The following MICU1 variants were observed in gnomAD, a reference collection of about 807,000 sequenced individuals.
The protein encoded by MICU1 is calcium uptake protein 1, mitochondrial.
In MICU1, 45 loss-of-function variants were observed where a neutral mutation model predicts 56.8. The observed-to-expected ratio is 0.79, with a 90% CI of 0.62 to 1.02. MICU1 has a LOEUF of 1.02. MICU1 is among the 50% of genes least tolerant of loss of function. The pLI, the probability that MICU1 is intolerant of heterozygous loss-of-function variation, is 0.00. For missense variants in MICU1, 504 were observed against 587.1 expected, an observed-to-expected ratio of 0.86 and a Z score of 1.46; for synonymous variants, 186 against 195.1, an observed-to-expected ratio of 0.95 and a Z score of 0.39.
intron 8 of MICU1, among the ~76,000 whole-genome samples, chr10:72,447,363 T>C (rs902473287): frequency 6.6e-6 from 1 of 152,166 alleles, no homozygotes; most frequent in African/African-American, 2.4e-5. Context: ...GATCATAATA[T>C]AGGCTAGAGG....
chr10:72,578,068 T>G (rs889049412), intron 1 of MICU1, among the ~76,000 whole-genome samples: 2 of 152,168 alleles, frequency 1.3e-5, no homozygotes, highest in African/African-American at 2.4e-5. Flanking sequence ...TACAGAGAAA[T>G]CTTTTGTGAA....
chr10:72,476,857 T>G (rs1866140744), intron 7 of MICU1, among the ~76,000 whole-genome samples: 1 of 152,236 alleles, frequency 6.6e-6, no homozygotes, highest in Non-Finnish European at 1.5e-5. Context: ...GCCTAGCACA[T>G]AGCAGCTTTT....
chr10:72,615,421 C>G (rs1841952420), intron 1 of MICU1, among the ~76,000 whole-genome samples: 1 of 152,128 alleles, frequency 6.6e-6, no homozygotes, highest in Admixed American at 6.6e-5. Flanking sequence ...CCACAGCACA[C>G]TGTGCTGTGG....
chr10:72,474,476 T>G (rs1866051051), intron 8 of MICU1, among the ~76,000 whole-genome samples: 1 of 152,082 alleles, frequency 6.6e-6, no homozygotes, highest in Non-Finnish European at 1.5e-5. Flanking sequence ...AAAGTAAACT[T>G]GTAAATCCCC....
At chr10:72,425,750 G>C (rs1248400901) in intron 8 of MICU1, among the ~76,000 whole-genome samples, 1 of 152,146 alleles carries the variant, frequency 6.6e-6, no homozygotes, top group Non-Finnish European at 1.5e-5. Context: ...AACATGGCTG[G>C]AGGGAGCCAT....
chr10:72,510,204 T>C (rs937814167), intron 5 of MICU1, among the ~76,000 whole-genome samples: 1 of 152,190 alleles, frequency 6.6e-6, no homozygotes, highest in African/African-American at 2.4e-5. Context: ...ATCCGGGCCA[T>C]GCTGATGCTG....
intron 10 of MICU1, among the ~76,000 whole-genome samples, chr10:72,399,808 CA>C (rs1209534558): frequency 6.6e-6 from 1 of 151,018 alleles, no homozygotes; most frequent in Non-Finnish European, 1.5e-5. Context: ...ACTAAAAATA[CA>C]AAAATTAGCT....
intron 10 of MICU1, among the ~76,000 whole-genome samples, chr10:72,378,185 G>A (rs909338658): frequency 2.0e-5 from 3 of 152,146 alleles, no homozygotes; most frequent in South Asian, 2.1e-4. Flanking sequence ...CCTGGGAGGC[G>A]GAGGTTGCAG....
chr10:72,526,949 A>AG (rs1258806246), intron 5 of MICU1, among the ~76,000 whole-genome samples: 6 of 141,752 alleles, frequency 4.2e-5, no homozygotes, highest in African/African-American at 1.5e-4. Context: ...AAAAAAAAAA[A>AG]AAAGAAAGCA....
intron 5 of MICU1, among the ~76,000 whole-genome samples, chr10:72,512,989 C>A (rs1589295127): frequency 6.6e-6 from 1 of 152,110 alleles, no homozygotes; most frequent in South Asian, 2.1e-4. Context: ...CAGGCATGAG[C>A]CACCACACTC....
intron 3 of MICU1, among the ~76,000 whole-genome samples, chr10:72,553,606 G>A (rs974260021): frequency 1.3e-5 from 2 of 152,006 alleles, no homozygotes; most frequent in African/African-American, 2.4e-5. Context: ...GAAACCATTC[G>A]GAATGTTTGG....
intron 6 of MICU1, among the ~76,000 whole-genome samples, chr10:72,493,628 TTTTTTGTAGAGACATG>T (rs1277899012): frequency 6.6e-6 from 1 of 152,024 alleles, no homozygotes; most frequent in Non-Finnish European, 1.5e-5. Context: ...AATTTGTGTA[TTTTTTGTAGAGACATG>T]GTTTCGCCAT....
intron 6 of MICU1, 70 bp from the exon 7 acceptor site, chr10:72,477,326 A>G: frequency 7.6e-7 from 1 of 1,312,922 alleles, no homozygotes; most frequent in Non-Finnish European, 1.0e-6. Flanking sequence ...AAGAAAAACA[A>G]AAGGCTAAAC....
At chr10:72,390,004 T>C (rs1165894651) in intron 10 of MICU1, among the ~76,000 whole-genome samples, 1 of 152,190 alleles carries the variant, frequency 6.6e-6, no homozygotes, top group African/African-American at 2.4e-5. Flanking sequence ...AAGAGACGCC[T>C]GATAGTGGAG....
At chr10:72,400,577 C>T (rs575659824) in intron 10 of MICU1, among the ~76,000 whole-genome samples, 2 of 151,956 alleles carry the variant, frequency 1.3e-5, no homozygotes, top group East Asian at 1.9e-4. Context: ...GAAACCCCAA[C>T]TCTACTAAAA....
At chr10:72,421,035 A>AATG (rs1864152100) in intron 9 of MICU1, among the ~76,000 whole-genome samples, 1 of 148,252 alleles carries the variant, frequency 6.7e-6, no homozygotes, top group African/African-American at 2.4e-5. Context: ...TAATAATAAT[A>AATG]ATAATAAAAA....
intron 6 of MICU1, among the ~76,000 whole-genome samples, chr10:72,489,883 A>C (rs1866597011): frequency 6.6e-6 from 1 of 152,252 alleles, no homozygotes; most frequent in Non-Finnish European, 1.5e-5. Flanking sequence ...AATTTAAGCC[A>C]CATCTGGGAG....
At position 72,498,592 on chromosome 10, in the gene MICU1, G is replaced by A. The variant is rs1866927906; in HGVS notation, c.652+9563C>T. Among the ~76,000 whole-genome samples the A allele has an allele frequency of 2.0e-5, 3 of 151,894 alleles. No individual in the cohort carries two copies. In the South Asian group the frequency reaches 6.2e-4, roughly 32 times the overall value. On this transcript the variant is annotated intron_variant, in intron 6 of 11. Coordinates refer to ENST00000361114, the MANE Select transcript of MICU1 (RefSeq NM_001195518.2). ...CAGAATAAGACTCTGTATCAAAAAA[G>A]AAAGAAAGAAAGAAAAAAAGAAGCC...
At chr10:72,389,501 TAAGGTAAACTGCAC>T (rs1471341258) in intron 10 of MICU1, among the ~76,000 whole-genome samples, 1 of 152,150 alleles carries the variant, frequency 6.6e-6, no homozygotes, top group African/African-American at 2.4e-5. Context: ...TGTCAGATAA[TAAGGTAAACTGCAC>T]GTATAGAATA....
Sources: gnomAD v4.1 joint callset for allele counts (sites outside exome capture counted in the v4.1 genomes callset) on GRCh38, gnomAD v4.1.1 for gene constraint, MANE v1.5 for transcripts, NCBI Gene and HGNC (gene_info 2026-07-23, HGNC 2026-07-21) for gene names.